SLC26A7: variants seen among roughly 807,000 people sequenced by gnomAD.
The protein encoded by SLC26A7 is anion exchange transporter.
In SLC26A7, 59 loss-of-function variants were observed where a neutral mutation model predicts 82.5. The ratio of observed to expected loss-of-function variants is 0.72; its 90% CI spans 0.58 to 0.89. SLC26A7 has a LOEUF of 0.89. SLC26A7 is among the 40% of genes least tolerant of loss of function. The pLI is 0.00. For missense variants in SLC26A7, 820 were observed against 793.0 expected (o/e 1.03, Z -0.41); for synonymous variants, 271 against 274.3 (o/e 0.99, Z 0.12).
chr8:91,238,163 C>A (rs972607291), intron 2 of SLC26A7, among the ~76,000 whole-genome samples: 1 of 152,062 alleles, frequency 6.6e-6, no homozygotes, highest in East Asian at 1.9e-4. Flanking sequence ...GTAAAAGGAG[C>A]CTGTAAAGGA....
At chr8:91,224,586 G>A (rs1407823638) in intron 2 of SLC26A7, among the ~76,000 whole-genome samples, 1 of 152,182 alleles carries the variant, frequency 6.6e-6, no homozygotes, top group African/African-American at 2.4e-5. Context: ...CTGACCTTGA[G>A]AGGCCCCAAC....
chr8:91,393,950 G>C lies in SLC26A7; in HGVS notation c.1846G>C (p.Ala616Pro). ...CTTTCTTGAAGCTTCCTTGATAAAA[G>C]CAATGACGTATTATGGAAACCTAGA... Reference protein sequence around the residue: ...LAHCTASLIKAMTYYGNLDSE... With the variant: ...LAHCTASLIKPMTYYGNLDSE... Residue 616 changes from alanine to proline, a missense_variant, in exon 18 of 19, where the codon GCA becomes CCA. Coordinates refer to ENST00000276609, the MANE Select transcript of SLC26A7 (RefSeq NM_052832.4). 1 of 1,613,484 alleles carries C rather than the reference G, an allele frequency of 6.2e-7. No individual in the cohort carries two copies. Among genetic ancestry groups the C allele is most frequent in the Non-Finnish European group, 8.5e-7 (1 of 1,179,604 alleles).
chr8:91,329,429 C>T (rs1200318019), intron 5 of SLC26A7, among the ~76,000 whole-genome samples: 1 of 152,060 alleles, frequency 6.6e-6, no homozygotes, highest in Non-Finnish European at 1.5e-5. Context: ...GCTATCCACC[C>T]CCTTGTTCTT....
chr8:91,361,051 A>T (rs946527395), intron 11 of SLC26A7, among the ~76,000 whole-genome samples: 1 of 152,192 alleles, frequency 6.6e-6, no homozygotes, highest in African/African-American at 2.4e-5. Flanking sequence ...ACATTTGTAG[A>T]TGATGGATCT....
rs1417925641 is a variant in SLC26A7, at chr8:91,366,697, C to T, written c.1606C>T (p.Pro536Ser). ...MIQKENACNQ[P>S]LDDISKCEQN... Reference sequence around the variant, plus strand: ...CCAAAAGGAAAATGCCTGTAATCAGCCACTTGATGATATCAGCAAGGTAGG... The same window carrying T: ...CCAAAAGGAAAATGCCTGTAATCAGTCACTTGATGATATCAGCAAGGTAGG... The change falls in exon 14 of 19, where the codon CCA becomes TCA. Residue 536 changes from proline to serine, a missense_variant. Pro to Ser is a moderately conservative substitution (Grantham distance 74, BLOSUM62 -1). Coordinates refer to ENST00000276609, the MANE Select transcript of SLC26A7 (RefSeq NM_052832.4). The T allele has an allele frequency of 6.2e-7, 1 of 1,612,618 alleles. No homozygotes were observed. Among genetic ancestry groups the T allele is most frequent in the African/African-American group, 1.3e-5 (1 of 74,866 alleles).
At chr8:91,287,391 A>G (rs888599650) in intron 2 of SLC26A7, among the ~76,000 whole-genome samples, 7 of 152,212 alleles carry the variant, frequency 4.6e-5, no homozygotes, top group Non-Finnish European at 1.0e-4. Context: ...CACGCTATTC[A>G]TATGGTAAGA....
intron 4 of SLC26A7, among the ~76,000 whole-genome samples, chr8:91,307,142 G>A (rs1157984528): frequency 7.7e-6 from 1 of 129,438 alleles, no homozygotes; most frequent in Non-Finnish European, 1.6e-5. Flanking sequence ...TAAAAAGTCA[G>A]GAAACAACAG....
intron 2 of SLC26A7, 29 bp downstream of exon 2, chr8:91,249,873 T>C: frequency 6.7e-7 from 1 of 1,501,192 alleles, no homozygotes; most frequent in Non-Finnish European, 8.9e-7. Context: ...GTTTCCTGTA[T>C]TATGCAGAGT....
intron 15 of SLC26A7, among the ~76,000 whole-genome samples, chr8:91,386,608 A>C (rs1814806068): frequency 6.6e-6 from 1 of 152,192 alleles, no homozygotes; most frequent in African/African-American, 2.4e-5. Context: ...GATTTTCTTT[A>C]TATTTAATAA....
chr8:91,313,824 C>T (rs1469517692), intron 4 of SLC26A7, among the ~76,000 whole-genome samples: 1 of 152,124 alleles, frequency 6.6e-6, no homozygotes, highest in Non-Finnish European at 1.5e-5. Context: ...ATGTAAAAGC[C>T]AGATAGCAGA....
intron 5 of SLC26A7, among the ~76,000 whole-genome samples, chr8:91,332,394 A>G (rs1487636357): frequency 1.6e-5 from 2 of 128,232 alleles, no homozygotes; most frequent in African/African-American, 5.9e-5. Flanking sequence ...TTAAAAATAT[A>G]TTATATTTAA....
At chr8:91,280,499 C>T (rs184175435) in intron 2 of SLC26A7, among the ~76,000 whole-genome samples, 291 of 152,354 alleles carry the variant, frequency 1.9e-3, no homozygotes, top group Non-Finnish European at 3.2e-3. Context: ...CCACCAAGAT[C>T]CATTTGCTCC....
rs142215902 is a variant in SLC26A7 at position 91,393,555 on chromosome 8, A to G, written c.1777-242A>G. On this transcript the variant is annotated intron_variant, in intron 16 of 18. Coordinates refer to ENST00000276609, the MANE Select transcript of SLC26A7 (RefSeq NM_052832.4). ...GAGGCACTGTTTTTACTTTTATTAA[A>G]TGATGTGGAAAAGGTAAGCAGTCAA... Among the ~76,000 whole-genome samples the G allele has an allele frequency of 8.5e-5, 13 of 152,252 alleles. No homozygotes were observed. The East Asian group carries it at 1.2e-3, about 14-fold the overall frequency.
intron 7 of SLC26A7, among the ~76,000 whole-genome samples, chr8:91,338,919 A>C (rs1813320162): frequency 6.6e-6 from 1 of 152,150 alleles, no homozygotes; most frequent in Non-Finnish European, 1.5e-5. Context: ...CAATTGTTGA[A>C]TCCTATAAAT....
At position 91,395,522 on chromosome 8, in the gene SLC26A7, A is replaced by G. The variant is rs1188544580; in HGVS notation, c.*425A>G. On this transcript the variant is annotated 3_prime_UTR_variant, in exon 19 of 19. Transcript: ENST00000276609. ...TGTAACTAATACATAAAAACAACTT[A>G]GCAAATGTGCCATTTTCACACAACT... 6.1e-6 allele frequency: 1 copy of G among 162,690 alleles called. No individual in the cohort carries two copies. The highest frequency in any genetic ancestry group is 2.4e-5 in the African/African-American group (1 of 41,572). The allele number at this position is 162,690 out of a possible 1,614,324, so 10.1% of individuals were successfully genotyped here.
intron 2 of SLC26A7, among the ~76,000 whole-genome samples, chr8:91,221,689 G>A (rs61612262): frequency 0.02 from 3,115 of 152,058 alleles, 95 homozygotes; most frequent in African/African-American, 0.071. Context: ...GTAGATGTGT[G>A]GTATTATTTC....
intron 6 of SLC26A7, among the ~76,000 whole-genome samples, chr8:91,337,509 G>A (rs1261734532): frequency 1.3e-5 from 2 of 152,078 alleles, no homozygotes; most frequent in African/African-American, 2.4e-5. Flanking sequence ...ATGATTATGG[G>A]TATAGGCAGG....
Position 91,358,633 on chromosome 8 carries a change from C to G in SLC26A7, c.1315-3720C>G, listed in dbSNP as rs1046998207. ...GTGTGAGTCACCGCACCTGGCCGCA[C>G]ACATATGTTTGTTGCGGCACTACTC... On this transcript the variant is annotated intron_variant, in intron 11 of 18. Coordinates refer to ENST00000276609, the MANE Select transcript of SLC26A7 (RefSeq NM_052832.4). 2.0e-5 allele frequency among the ~76,000 whole-genome samples: 3 copies of G among 152,044 alleles called. No individual in the cohort carries two copies. In the East Asian group the frequency reaches 5.8e-4, roughly 29 times the overall value.
intron 6 of SLC26A7, among the ~76,000 whole-genome samples, chr8:91,337,696 A>G (rs1293351979): frequency 6.6e-6 from 1 of 152,208 alleles, no homozygotes; most frequent in Non-Finnish European, 1.5e-5. Flanking sequence ...ATCATCATTG[A>G]TTACTAACAT....
Sources: allele counts gnomAD v4.1 joint callset (sites outside exome capture counted in the v4.1 genomes callset), GRCh38; gene constraint gnomAD v4.1.1; transcripts MANE v1.5; gene names NCBI Gene and HGNC (gene_info 2026-07-23, HGNC 2026-07-21).